Variants in SLC9B1 observed in about 807,000 individuals in gnomAD.
SLC9B1 encodes the protein sodium/hydrogen exchanger 9B1.
SLC9B1 carries 32 observed loss-of-function variants against 51.7 expected under a neutral mutation model. That is an observed-to-expected ratio of 0.62 (90% CI 0.47 to 0.83). The LOEUF (loss-of-function observed/expected upper bound fraction) is 0.83. Among genes scored for constraint, SLC9B1 ranks in the 40% least tolerant of loss-of-function variants. The probability of loss-of-function intolerance (pLI) is 0.00; values close to 1 mark genes in which losing one functional copy is unlikely to be tolerated. For missense variants in SLC9B1, 406 were observed against 613.2 expected, an observed-to-expected ratio of 0.66 and a Z score of 3.57; for synonymous variants, 145 against 212.7, an observed-to-expected ratio of 0.68 and a Z score of 2.77.
intron 11 of SLC9B1, among the ~76,000 whole-genome samples, chr4:102,904,011 A>G (rs1312046156): frequency 6.6e-6 from 1 of 152,162 alleles, no homozygotes; most frequent in East Asian, 1.9e-4. Context: ...AGTGAGTGGC[A>G]AGGTAGGAAA....
intron 7 of SLC9B1, among the ~76,000 whole-genome samples, chr4:102,924,788 A>G (rs903705366): frequency 8.5e-5 from 13 of 152,286 alleles, no homozygotes; most frequent in Non-Finnish European, 1.5e-4. Flanking sequence ...TATGCAGCCA[A>G]CAGACACATG....
At chr4:102,898,148 G>T, downstream of SLC9B1, 2 of 512,144 alleles carry the variant, frequency 3.9e-6, no homozygotes, top group Non-Finnish European at 7.8e-6. Flanking sequence ...GCTGTACTAA[G>T]GTTGACAAAG....
chr4:102,948,771 A>G (rs1472975454), intron 4 of SLC9B1, among the ~76,000 whole-genome samples: 7 of 152,210 alleles, frequency 4.6e-5, no homozygotes, highest in Non-Finnish European at 1.0e-4. Context: ...CAATGGGTAC[A>G]TATGGACCTA....
chr4:102,887,203 A>T, intron 11 of SLC9B1: 4 of 613,788 alleles, frequency 6.5e-6, no homozygotes, highest in Non-Finnish European at 8.9e-6. Flanking sequence ...TTGGATGTAG[A>T]ATGTAACTAT....
At chr4:102,955,902 AG>A (rs1578378434) in intron 3 of SLC9B1, among the ~76,000 whole-genome samples, 3 of 66,486 alleles carry the variant, frequency 4.5e-5, no homozygotes, top group Admixed American at 1.4e-4. Context: ...AGAAAGAAAG[AG>A]AGAGAAAGAC....
chr4:102,923,756 T>C (rs1247304407), intron 7 of SLC9B1, among the ~76,000 whole-genome samples: 1 of 152,094 alleles, frequency 6.6e-6, no homozygotes, highest in Admixed American at 6.6e-5. Context: ...AGCATTCTTA[T>C]ACACCAATAA....
intron 2 of SLC9B1, 42 bp from the exon 3 acceptor site, chr4:102,989,983 G>A: frequency 6.7e-7 from 1 of 1,496,242 alleles, no homozygotes; most frequent in South Asian, 1.3e-5. Flanking sequence ...CATACTTTCT[G>A]TATAATTTTA....
chr4:102,991,815 T>A, intron 1 of SLC9B1, 103 bp from the exon 2 acceptor site: 1 of 758,856 alleles, frequency 1.3e-6, no homozygotes, highest in Non-Finnish European at 2.0e-6. Context: ...GGATTTTTTG[T>A]TCTAAAGTTG....
intron 4 of SLC9B1, among the ~76,000 whole-genome samples, chr4:102,949,005 T>C (rs1482669430): frequency 2.0e-5 from 3 of 152,138 alleles, no homozygotes; most frequent in African/African-American, 7.2e-5. Context: ...AGGAATAATG[T>C]ACTAAGGATA....
At chr4:103,010,986 T>G (rs1447838411) in intron 1 of SLC9B1, among the ~76,000 whole-genome samples, 5 of 152,214 alleles carry the variant, frequency 3.3e-5, no homozygotes, top group African/African-American at 1.2e-4. Flanking sequence ...TCTTAACTGT[T>G]TCCGATACCA....
chr4:102,940,806 G>A (rs558316091), intron 6 of SLC9B1, among the ~76,000 whole-genome samples: 24 of 152,136 alleles, frequency 1.6e-4, no homozygotes, highest in Admixed American at 3.3e-4. Context: ...GTTACAGAAC[G>A]CAGAAATAAA....
chr4:102,967,580 G>A (rs1389499307), intron 3 of SLC9B1, among the ~76,000 whole-genome samples: 6 of 152,100 alleles, frequency 3.9e-5, no homozygotes, highest in East Asian at 1.9e-4. Context: ...AGCATGAAGC[G>A]TGACCTCACC....
At chr4:102,990,671 TG>T (rs1739899340) in intron 2 of SLC9B1, among the ~76,000 whole-genome samples, 1 of 123,116 alleles carries the variant, frequency 8.1e-6, no homozygotes, top group Non-Finnish European at 1.7e-5. Context: ...TGGGTGGGTG[TG>T]GGGGTGTGTG....
chr4:102,975,118 T>C (rs1050599699), intron 3 of SLC9B1, among the ~76,000 whole-genome samples: 2 of 152,128 alleles, frequency 1.3e-5, no homozygotes, highest in Admixed American at 1.3e-4. Context: ...CCCTCTGCCT[T>C]AGCCTCCTGA....
At chr4:102,926,766 A>G (rs2110452235) in intron 7 of SLC9B1, among the ~76,000 whole-genome samples, 1 of 152,308 alleles carries the variant, frequency 6.6e-6, no homozygotes, top group East Asian at 1.9e-4. Context: ...GTTCATATGG[A>G]ACCAAAAAAG....
At position 102,984,959 on chromosome 4, in the gene SLC9B1, A is replaced by G. The variant is rs1236479006; in HGVS notation, c.211+4841T>C. ...GCCTCCAGAGTAGCTGGGACTAAAG[A>G]TGCATACCAATGAGCCTGGCTTGAC... On this transcript the variant is annotated intron_variant, in intron 3 of 11. Transcript: ENST00000296422. Among the ~76,000 whole-genome samples the G allele has an allele frequency of 2.0e-5, 3 of 152,124 alleles. No homozygotes were observed. The East Asian group carries it at 5.8e-4, about 29-fold the overall frequency.
At chr4:102,903,803 A>G (rs1734897983) in intron 11 of SLC9B1, among the ~76,000 whole-genome samples, 1 of 152,222 alleles carries the variant, frequency 6.6e-6, no homozygotes, top group Non-Finnish European at 1.5e-5. Context: ...GCAGGCATGC[A>G]ATACACATTT....
In SLC9B1 at chr4:102,901,200, C is replaced by T; in HGVS notation, c.1465G>A (p.Gly489Ser). 1 of 1,612,070 alleles carries T rather than the reference C, an allele frequency of 6.2e-7. No homozygotes were observed. The part of the protein sequence containing the change: ...ITAPNGALLM[G>S]ILGPKMLTRH... ...GTAAGCATTTTAGGCCCCAGAATGCCCATAAGTAGAGCTCCATTTGGAGCT... is the reference window on the plus strand; with the variant it reads ...GTAAGCATTTTAGGCCCCAGAATGCTCATAAGTAGAGCTCCATTTGGAGCT... Residue 489 changes from glycine (G) to serine (S), a missense_variant, in exon 12 of 12, where the codon GGC becomes AGC. Physicochemically the swap from Gly to Ser is moderately conservative, Grantham distance 56 (BLOSUM62 0). This residue lies in a region of SLC9B1 where 18 missense variants were observed against 35.9 expected (regional missense o/e 0.50). Transcript: ENST00000296422.
chr4:103,018,741 T>G (rs1215236840), intron 1 of SLC9B1, among the ~76,000 whole-genome samples: 3 of 152,166 alleles, frequency 2.0e-5, no homozygotes, highest in Non-Finnish European at 4.4e-5. Flanking sequence ...ACACAGTATG[T>G]GTGCAACTTT....
Sources: allele counts gnomAD v4.1 joint callset (sites outside exome capture counted in the v4.1 genomes callset), GRCh38; gene constraint gnomAD v4.1.1; regional missense constraint gnomAD v4.1.1; transcripts MANE v1.5; gene names NCBI Gene and HGNC (gene_info 2026-07-23, HGNC 2026-07-21).